NRG3: variants seen among roughly 807,000 people sequenced by gnomAD.
NRG3 encodes the protein neuregulin 3.
NRG3 carries 31 observed loss-of-function variants against 66.9 expected under a neutral mutation model. The observed-to-expected ratio is 0.46, with a 90% CI of 0.35 to 0.63. NRG3 has a LOEUF of 0.63. Ranked by LOEUF, NRG3 falls within the 20% of genes least tolerant of loss-of-function variation. The pLI is 0.00. For synonymous variants in NRG3, 393 were observed against 359.4 expected, an observed-to-expected ratio of 1.09 and a Z score of -1.06; for missense variants, 910 against 878.9, an observed-to-expected ratio of 1.04 and a Z score of -0.45.
chr10:82,777,916 A>T (rs942921461), intron 3 of NRG3, among the ~76,000 whole-genome samples: 1 of 152,266 alleles, frequency 6.6e-6, no homozygotes, highest in South Asian at 2.1e-4. Context: ...TTGCCCATGG[A>T]GGTGAGATGC....
At chr10:82,766,186 A>C (rs146947005) in intron 3 of NRG3, among the ~76,000 whole-genome samples, 6 of 152,292 alleles carry the variant, frequency 3.9e-5, no homozygotes, top group African/African-American at 1.4e-4. Context: ...ATAGGGAATG[A>C]ACCATAATTT....
At chr10:81,928,836 T>A (rs896996981) in intron 1 of NRG3, among the ~76,000 whole-genome samples, 1 of 148,358 alleles carries the variant, frequency 6.7e-6, no homozygotes, top group Non-Finnish European at 1.5e-5. Context: ...TAAAGAACAA[T>A]TTTTTTTTGA....
chr10:82,338,667 C>T (rs1433056805), intron 1 of NRG3, among the ~76,000 whole-genome samples: 1 of 152,132 alleles, frequency 6.6e-6, no homozygotes, highest in Non-Finnish European at 1.5e-5. Flanking sequence ...TAAATATGTG[C>T]TGACTTATTT....
rs565005121 is a variant in NRG3, at chr10:82,829,424, A to T, written c.1028-35987A>T. ...AGTGAGTTTCATTTGGGATTTGTAT[A>T]ATCAGAAAGATGATAAGGGGCAAAC... is the stretch of plus-strand genomic sequence containing the variant. On this transcript the variant is annotated intron_variant, in intron 3 of 8. Transcript: ENST00000372141. 3.9e-5 allele frequency among the ~76,000 whole-genome samples: 6 copies of T among 152,320 alleles called. No homozygotes were observed. The East Asian group carries it at 1.2e-3, about 29-fold the overall frequency.
chr10:82,458,667 A>G (rs2091378836), intron 2 of NRG3, among the ~76,000 whole-genome samples: 1 of 152,192 alleles, frequency 6.6e-6, no homozygotes, highest in Non-Finnish European at 1.5e-5. Flanking sequence ...AGTAAGATAG[A>G]CCTGGGTTTA....
intron 1 of NRG3, among the ~76,000 whole-genome samples, chr10:82,067,278 T>C (rs1402760207): frequency 6.6e-6 from 1 of 152,212 alleles, no homozygotes; most frequent in African/African-American, 2.4e-5. Flanking sequence ...GAATTGTATT[T>C]TCTTTTAAAT....
chr10:82,570,567 G>C (rs2045666919), intron 2 of NRG3, among the ~76,000 whole-genome samples: 1 of 151,438 alleles, frequency 6.6e-6, no homozygotes, highest in South Asian at 2.1e-4. Flanking sequence ...ACTGTGTATT[G>C]AGATTGACTT....
intron 3 of NRG3, among the ~76,000 whole-genome samples, chr10:82,826,523 G>A (rs983714345): frequency 6.6e-6 from 1 of 152,246 alleles, no homozygotes. Context: ...ATGCTCATCA[G>A]TGGTGGGCTG....
chr10:82,143,747 TG>T (rs1277838522), intron 1 of NRG3, among the ~76,000 whole-genome samples: 1 of 152,158 alleles, frequency 6.6e-6, no homozygotes, highest in Non-Finnish European at 1.5e-5. Flanking sequence ...TGTGGATATG[TG>T]GCTGGGCGCA....
At chr10:82,961,177 A>C (rs962796027) in intron 6 of NRG3, among the ~76,000 whole-genome samples, 1 of 152,260 alleles carries the variant, frequency 6.6e-6, no homozygotes, top group Non-Finnish European at 1.5e-5. Context: ...ACTTAATGTA[A>C]GAAACGCTTA....
intron 1 of NRG3, among the ~76,000 whole-genome samples, chr10:82,341,148 A>G (rs2082665892): frequency 1.3e-5 from 2 of 152,138 alleles, no homozygotes; most frequent in African/African-American, 2.4e-5. Flanking sequence ...AATAAAAAAT[A>G]TTTTTAACAT....
chr10:82,964,936 T>C (rs1006741858), intron 6 of NRG3, among the ~76,000 whole-genome samples: 2 of 152,182 alleles, frequency 1.3e-5, no homozygotes, highest in African/African-American at 2.4e-5. Flanking sequence ...GACTGGCCTA[T>C]TGATTTCGGT....
At chr10:82,001,482 G>A (rs771407163) in intron 1 of NRG3, among the ~76,000 whole-genome samples, 1 of 151,348 alleles carries the variant, frequency 6.6e-6, no homozygotes, top group African/African-American at 2.4e-5. Flanking sequence ...CAGCCTGGGC[G>A]ACACAGTGAG....
At chr10:82,628,542 T>C (rs988860140) in intron 2 of NRG3, among the ~76,000 whole-genome samples, 5 of 152,134 alleles carry the variant, frequency 3.3e-5, no homozygotes, top group African/African-American at 1.2e-4. Context: ...ATAGGGACTT[T>C]ACTGACTTCT....
intron 2 of NRG3, among the ~76,000 whole-genome samples, chr10:82,450,572 C>T (rs2090972754): frequency 6.6e-6 from 1 of 152,138 alleles, no homozygotes; most frequent in African/African-American, 2.4e-5. Context: ...GAAAGCATCC[C>T]TCAAATCTCT....
intron 3 of NRG3, among the ~76,000 whole-genome samples, chr10:82,822,329 T>A (rs141548466): frequency 6.6e-6 from 1 of 152,090 alleles, no homozygotes; most frequent in Non-Finnish European, 1.5e-5. Flanking sequence ...GATGCACATC[T>A]GAGACGGGGA....
In NRG3 at chr10:82,979,045, G is replaced by T. The variant is rs149882313; in HGVS notation, c.1508G>T (p.Gly503Val). The T allele has an allele frequency of 6.2e-7, 1 of 1,614,116 alleles. No individual in the cohort carries two copies. Among genetic ancestry groups the T allele is most frequent in the Admixed American group, 1.7e-5 (1 of 60,016 alleles). The stretch of plus-strand genomic sequence containing the variant: ...CCCCCGTCACCCCGAAGTAGGCTAG[G>T]TGGAATTGTGGGACCAGCATATCAG... ...RTPPSPRSRL[G>V]GIVGPAYQQL... is the part of the protein sequence containing the mutation. Residue 503 changes from glycine to valine, a missense_variant, in exon 8 of 9, where the codon GGT (glycine) becomes GTT (valine). Physicochemically the swap from Gly to Val is moderately radical, Grantham distance 109. Transcript: ENST00000372141.
chr10:82,576,036 A>G (rs1458189040), intron 2 of NRG3, among the ~76,000 whole-genome samples: 2 of 151,732 alleles, frequency 1.3e-5, no homozygotes, highest in East Asian at 3.9e-4. Context: ...TTAGAAGTTA[A>G]GTGAACAACC....
intron 2 of NRG3, among the ~76,000 whole-genome samples, chr10:82,725,184 C>A (rs113810969): frequency 2.6e-5 from 4 of 152,282 alleles, no homozygotes; most frequent in African/African-American, 9.6e-5. Context: ...GAAGCAGGAA[C>A]AATAGGTCTT....
Sources: gnomAD v4.1 joint callset for allele counts (sites outside exome capture counted in the v4.1 genomes callset) on GRCh38, gnomAD v4.1.1 for gene constraint, MANE v1.5 for transcripts, NCBI Gene and HGNC (gene_info 2026-07-23, HGNC 2026-07-21) for gene names.